INPP4A: variants seen among roughly 807,000 people sequenced by gnomAD.
INPP4A encodes the protein inositol polyphosphate-4-phosphatase type I A.
In INPP4A, 33 loss-of-function variants were observed where a neutral mutation model predicts 119.8. The ratio of observed to expected loss-of-function variants is 0.28; its 90% confidence interval spans 0.21 to 0.37. The LOEUF (loss-of-function observed/expected upper bound fraction) is 0.37, where lower values mean the gene tolerates loss of function less well. Among genes scored for constraint, INPP4A ranks in the 10% least tolerant of loss-of-function variants. The pLI, the probability that INPP4A is intolerant of heterozygous loss-of-function variation, is 1.00. For missense variants in INPP4A, 956 were observed against 1,289.9 expected (o/e 0.74, Z 3.97); for synonymous variants, 496 against 500.7 (o/e 0.99, Z 0.12).
intron 1 of INPP4A, among the ~76,000 whole-genome samples, chr2:98,488,716 G>GT (rs1035440526): frequency 8.5e-5 from 13 of 152,214 alleles, no homozygotes; most frequent in African/African-American, 3.1e-4. Context: ...GGACACACGA[G>GT]AAGCTATGTA....
chr2:98,561,347 C>T (rs969890480), intron 17 of INPP4A, among the ~76,000 whole-genome samples: 3 of 152,218 alleles, frequency 2.0e-5, no homozygotes, highest in African/African-American at 7.2e-5. Context: ...ATAAACCCTT[C>T]ACCGATTCCA....
chr2:98,518,265 C>T (rs1011335659), intron 1 of INPP4A, among the ~76,000 whole-genome samples: 10 of 152,252 alleles, frequency 6.6e-5, no homozygotes, highest in East Asian at 1.9e-4. Flanking sequence ...AGGCCACTGC[C>T]GTGTCTGCAG....
At chr2:98,522,699 A>G (rs967990644) in intron 4 of INPP4A, among the ~76,000 whole-genome samples, 2 of 152,150 alleles carry the variant, frequency 1.3e-5, no homozygotes, top group Non-Finnish European at 2.9e-5. Context: ...AAAGAGACCC[A>G]TAACAAGGTG....
At position 98,554,201 on chromosome 2, in the gene INPP4A, C is replaced by A; in HGVS notation, c.1348-70C>A. ...TGGGCTTTAAGCCCATTCTCCATTT[C>A]TGAGATAAGGCAGGGGCCTCCCCAG... On this transcript the variant is annotated intron_variant, in intron 14 of 24. Coordinates refer to ENST00000409851, the MANE Select transcript of INPP4A (RefSeq NM_001134225.2). This position sits in a 1 kb window ranked among gnomAD's most constrained non-coding sequence, Gnocchi z 4.7. 1 of 1,227,776 alleles carries A rather than the reference C, an allele frequency of 8.1e-7. No individual in the cohort carries two copies. Among genetic ancestry groups the A allele is most frequent in the Non-Finnish European group, 1.1e-6 (1 of 873,102 alleles). 76.1% of individuals were successfully genotyped at this position (1,227,776 alleles called of 1,614,324 possible).
At chr2:98,447,007 C>T (rs2104373188) in intron 1 of INPP4A, among the ~76,000 whole-genome samples, 1 of 152,286 alleles carries the variant, frequency 6.6e-6, no homozygotes. Flanking sequence ...AGGGAGCGTT[C>T]TCAGCCAACA....
intron 1 of INPP4A, among the ~76,000 whole-genome samples, chr2:98,460,295 G>GGGAA (rs1696926395): frequency 6.6e-6 from 1 of 152,122 alleles, no homozygotes; most frequent in Non-Finnish European, 1.5e-5. Context: ...CAGGGCCTCA[G>GGGAA]GGAAGGGTGA....
intron 3 of INPP4A, 108 bp downstream of exon 3, chr2:98,520,262 A>G: frequency 3.6e-6 from 3 of 829,314 alleles, no homozygotes; most frequent in Non-Finnish European, 3.9e-6. Context: ...TGACTACCCT[A>G]GACTACAGGG....
chr2:98,547,722 C>T (rs1008128221), intron 13 of INPP4A, among the ~76,000 whole-genome samples: 6 of 152,080 alleles, frequency 3.9e-5, no homozygotes, highest in Admixed American at 2.0e-4. Flanking sequence ...GTGTTAGAGC[C>T]GGGTTCTCAC....
At chr2:98,545,945 A>C in intron 11 of INPP4A, 24 bp from the exon 12 acceptor site, 96 of 1,452,952 alleles carry the variant, frequency 6.6e-5, no homozygotes, top group Non-Finnish European at 8.4e-5. Context: ...GATGGCCTTT[A>C]TCTTCTCCTA....
chr2:98,555,514 C>G, intron 15 of INPP4A, 39 bp from the exon 16 acceptor site: 1 of 1,556,660 alleles, frequency 6.4e-7, no homozygotes, highest in Non-Finnish European at 8.7e-7. Context: ...TGTTTCTGTT[C>G]GGGAGAGCTG....
chr2:98,501,647 A>G (rs1039745780), intron 1 of INPP4A, among the ~76,000 whole-genome samples: 2 of 152,086 alleles, frequency 1.3e-5, no homozygotes, highest in African/African-American at 4.8e-5. Context: ...AATAAACACC[A>G]TTGTTACCAT....
At chr2:98,459,756 A>G (rs932062426) in intron 1 of INPP4A, among the ~76,000 whole-genome samples, 4 of 152,228 alleles carry the variant, frequency 2.6e-5, no homozygotes, top group African/African-American at 7.2e-5. Flanking sequence ...CATATAATCA[A>G]TGTTTGTTGA....
At chr2:98,581,488 A>T in intron 24 of INPP4A, 1 of 1,294,340 alleles carries the variant, frequency 7.7e-7, no homozygotes, top group Non-Finnish European at 1.0e-6. Flanking sequence ...TTTTTGATAA[A>T]ATCCATCGCA....
intron 1 of INPP4A, among the ~76,000 whole-genome samples, chr2:98,511,550 A>G (rs1685122507): frequency 6.6e-6 from 1 of 152,166 alleles, no homozygotes; most frequent in South Asian, 2.1e-4. Flanking sequence ...AGGAGGAAGC[A>G]GACCTCTTCA....
chr2:98,499,199 G>A (rs762069527), intron 1 of INPP4A, among the ~76,000 whole-genome samples: 3 of 152,224 alleles, frequency 2.0e-5, no homozygotes, highest in Non-Finnish European at 2.9e-5. Context: ...GGTGACAGAA[G>A]CCATCTGTCA....
chr2:98,548,912 T>C, intron 13 of INPP4A: 1 of 1,581,572 alleles, frequency 6.3e-7, no homozygotes, highest in African/African-American at 1.4e-5. Context: ...TGGTATTTGC[T>C]AACAAACTGC....
At chr2:98,453,310 G>A (rs890501760) in intron 1 of INPP4A, among the ~76,000 whole-genome samples, 5 of 152,200 alleles carry the variant, frequency 3.3e-5, no homozygotes, top group Admixed American at 2.6e-4. Flanking sequence ...CTAGAGAAGG[G>A]TCCACACAGC....
intron 7 of INPP4A, among the ~76,000 whole-genome samples, chr2:98,537,541 G>T (rs1690551111): frequency 6.6e-6 from 1 of 152,200 alleles, no homozygotes; most frequent in Non-Finnish European, 1.5e-5. Context: ...CCTCTGGGCA[G>T]GGGTGAGCAC....
intron 11 of INPP4A, 85 bp downstream of exon 11, chr2:98,544,092 G>C: frequency 7.9e-7 from 1 of 1,269,844 alleles, no homozygotes; most frequent in Non-Finnish European, 1.1e-6. Flanking sequence ...CACTCCCTCT[G>C]CTTTCCCAGC....
Sources: gnomAD v4.1 joint callset for allele counts (sites outside exome capture counted in the v4.1 genomes callset) on GRCh38, gnomAD v4.1.1 for gene constraint, Gnocchi (gnomAD v3.1) non-coding constraint, MANE v1.5 for transcripts, NCBI Gene and HGNC (gene_info 2026-07-23, HGNC 2026-07-21) for gene names.